The following NPAT variants were observed in gnomAD, a reference collection of about 807,000 sequenced individuals.
The protein encoded by NPAT is nuclear protein, coactivator of histone transcription.
NPAT carries 52 observed loss-of-function variants against 130.7 expected under a neutral mutation model. The ratio of observed to expected loss-of-function variants is 0.40; its 90% CI spans 0.32 to 0.50. The LOEUF (loss-of-function observed/expected upper bound fraction) is 0.50. NPAT is among the 20% of genes least tolerant of loss of function. NPAT has a pLI of 0.68. For synonymous variants in NPAT, 580 were observed against 584.8 expected, an observed-to-expected ratio of 0.99 and a Z score of 0.12; for missense variants, 1,687 against 1,662.6, an observed-to-expected ratio of 1.01 and a Z score of -0.26.
chr11:108,203,904 T>G (rs1307772216), intron 1 of NPAT, among the ~76,000 whole-genome samples: 1 of 152,214 alleles, frequency 6.6e-6, no homozygotes. Context: ...ATACACATAT[T>G]TGGTCCATGT....
At chr11:108,209,082 C>A (rs1384669786) in intron 1 of NPAT, among the ~76,000 whole-genome samples, 1 of 151,168 alleles carries the variant, frequency 6.6e-6, no homozygotes. Context: ...GAGTTTGAGG[C>A]CAGCCTGGCC....
At chr11:108,197,155 T>C (rs2078230488) in intron 2 of NPAT, 147 bp downstream of exon 2, 2 of 642,494 alleles carry the variant, frequency 3.1e-6, no homozygotes. Context: ...AAAGCTGGTC[T>C]TCTTTGGGTC....
At chr11:108,219,391 T>C (rs995496331) in intron 1 of NPAT, among the ~76,000 whole-genome samples, 1 of 152,236 alleles carries the variant, frequency 6.6e-6, no homozygotes, top group African/African-American at 2.4e-5. Context: ...GCCTTAGTTG[T>C]AAGCTGCTGG....
At chr11:108,204,300 C>T (rs1031032351) in intron 1 of NPAT, among the ~76,000 whole-genome samples, 3 of 152,082 alleles carry the variant, frequency 2.0e-5, no homozygotes, top group Non-Finnish European at 4.4e-5. Flanking sequence ...TGCCTAAGGC[C>T]AATCCAATGC....
intron 10 of NPAT, among the ~76,000 whole-genome samples, chr11:108,182,122 T>C (rs1296857330): frequency 6.6e-6 from 1 of 152,070 alleles, no homozygotes. Flanking sequence ...GCCATTGCTG[T>C]TTAGGGTCAC....
At chr11:108,213,149 T>C (rs1040531332) in intron 1 of NPAT, among the ~76,000 whole-genome samples, 1 of 151,012 alleles carries the variant, frequency 6.6e-6, no homozygotes, top group African/African-American at 2.4e-5. Flanking sequence ...GATGCATGCC[T>C]GTAATCCCAG....
Position 108,189,253 on chromosome 11 carries a change from A to T in NPAT, c.409T>A (p.Leu137Met). The change falls in exon 6 of 18, where the codon TTG (leucine) becomes ATG (methionine). Residue 137 changes from leucine (L) to methionine (M), a missense_variant. This residue lies in a region of NPAT where 307 missense variants were observed against 298.9 expected (regional missense o/e 1.03). Coordinates refer to ENST00000278612, the MANE Select transcript of NPAT (RefSeq NM_002519.3). ...ASQTAPASAE[L>M]LTLPYLSGQF... ...CCTGAAAGGTAAGGTAAAGTGAGCA[A>T]CTCTGCACTGGCTGGAGCTGTTTGA... is the stretch of plus-strand genomic sequence containing the variant. 1 of 1,614,026 alleles carries T rather than the reference A, an allele frequency of 6.2e-7. No homozygotes were observed. Among genetic ancestry groups the T allele is most frequent in the Non-Finnish European group, 8.5e-7 (1 of 1,180,012 alleles).
intron 1 of NPAT, among the ~76,000 whole-genome samples, chr11:108,206,081 A>T (rs963476932): frequency 6.6e-6 from 1 of 152,222 alleles, no homozygotes; most frequent in Non-Finnish European, 1.5e-5. Context: ...ATAAAATAGT[A>T]TAAGTGTTTG....
At chr11:108,219,087 G>C (rs1405053517) in intron 1 of NPAT, among the ~76,000 whole-genome samples, 1 of 152,094 alleles carries the variant, frequency 6.6e-6, no homozygotes, top group Non-Finnish European at 1.5e-5. Context: ...GCTCTCTACT[G>C]TATGACATAA....
chr11:108,163,666 CCTTGAGTTA>C (rs1364150818), intron 15 of NPAT, among the ~76,000 whole-genome samples: 2 of 152,100 alleles, frequency 1.3e-5, no homozygotes, highest in Non-Finnish European at 2.9e-5. Context: ...AGTTTGAAGG[CCTTGAGTTA>C]CACAAAATTA....
chr11:108,210,126 A>T (rs1199605262), intron 1 of NPAT, among the ~76,000 whole-genome samples: 1 of 151,426 alleles, frequency 6.6e-6, no homozygotes, highest in Non-Finnish European at 1.5e-5. Context: ...GAAAAGTAAG[A>T]GGGGATATTA....
At chr11:108,218,761 A>G (rs1565331697) in intron 1 of NPAT, among the ~76,000 whole-genome samples, 1 of 152,228 alleles carries the variant, frequency 6.6e-6, no homozygotes, top group Non-Finnish European at 1.5e-5. Flanking sequence ...AAGCTGACAG[A>G]AAGTATATAT....
Position 108,195,742 on chromosome 11 carries a change from C to T in NPAT, c.156+1560G>A, listed in dbSNP as rs552707684. 9.9e-5 allele frequency among the ~76,000 whole-genome samples: 15 copies of T among 152,272 alleles called. No individual in the cohort carries two copies. In the East Asian group the frequency reaches 2.9e-3, roughly 29 times the overall value. On this transcript the variant is annotated intron_variant, in intron 2 of 17. Transcript: ENST00000278612. ...TCCTGGGCTCATGCAATCCTCCAGC[C>T]TCATCCTCCCAAGCAGCTGGGACTA...
chr11:108,184,523 C>A (rs1170245394), intron 10 of NPAT, among the ~76,000 whole-genome samples: 1 of 110,554 alleles, frequency 9.0e-6, no homozygotes, highest in Non-Finnish European at 1.9e-5. Context: ...TACTTGGATT[C>A]ATTACATATT....
chr11:108,219,348 T>C (rs2078462574), intron 1 of NPAT, among the ~76,000 whole-genome samples: 1 of 152,216 alleles, frequency 6.6e-6, no homozygotes, highest in South Asian at 2.1e-4. Flanking sequence ...CTCATTAGCA[T>C]AGTGGCTTCC....
At chr11:108,176,161 C>T (rs2078003867) in intron 12 of NPAT, 85 bp downstream of exon 12, 2 of 1,037,582 alleles carry the variant, frequency 1.9e-6, no homozygotes, top group East Asian at 2.4e-5. Flanking sequence ...ACAACTTCTA[C>T]TTCCAAATTA....
rs11212553 is a variant in NPAT, at chr11:108,214,357, G to A, written c.37+8143C>T. On this transcript the variant is annotated intron_variant, in intron 1 of 17. Transcript: ENST00000278612. ...TATGTGAAAGTCAGACACAAAAAGC[G>A]AAATATTCTATTTCATTTATGTGCA... is the stretch of plus-strand genomic sequence containing the variant. 7.4e-3 allele frequency among the ~76,000 whole-genome samples: 1,130 copies of A among 152,244 alleles called. 38 individuals are homozygous for A. In the East Asian group the frequency reaches 0.12, roughly 16 times the overall value.
Position 108,167,796 on chromosome 11 carries a change from T to A in NPAT, c.3010+1948A>T, listed in dbSNP as rs1326950001. ...CCAATGTTTTTTTCTGGTATCAACTTTGTAAGGGATAAAAACAAGTGTCAG... is the reference window on the plus strand; with the variant it reads ...CCAATGTTTTTTTCTGGTATCAACTATGTAAGGGATAAAAACAAGTGTCAG... On this transcript the variant is annotated intron_variant, in intron 15 of 17. Coordinates refer to ENST00000278612, the MANE Select transcript of NPAT (RefSeq NM_002519.3). Among the ~76,000 whole-genome samples, 4 of 152,162 alleles carry A rather than the reference T, an allele frequency of 2.6e-5. No homozygotes were observed. The East Asian group carries it at 7.7e-4, about 29-fold the overall frequency.
In NPAT at chr11:108,176,181, G is replaced by A. The variant is rs2078004140; in HGVS notation, c.1132+65C>T. 1.6e-5 allele frequency: 19 copies of A among 1,194,758 alleles called. 1 individual carries two copies. The South Asian group carries it at 2.2e-4, about 14-fold the overall frequency. The allele number at this position is 1,194,758 out of a possible 1,614,324, so 74.0% of individuals were successfully genotyped here. A position where few individuals can be genotyped will look rare whatever the true frequency, so the allele number is the denominator to read the frequency against. On this transcript the variant is annotated intron_variant, in intron 12 of 17. Coordinates refer to ENST00000278612, the MANE Select transcript of NPAT (RefSeq NM_002519.3). ...TTCTACTTCCAAATTAATATTTTCT[G>A]CCTTTGAATTTTGAGACTAATATTA...
Sources: gnomAD v4.1 joint callset for allele counts (sites outside exome capture counted in the v4.1 genomes callset) on GRCh38, gnomAD v4.1.1 for gene constraint, gnomAD v4.1.1 regional missense constraint, MANE v1.5 for transcripts, NCBI Gene and HGNC (gene_info 2026-07-23, HGNC 2026-07-21) for gene names.